The following MSH3 variants were observed in gnomAD, a reference collection of about 807,000 sequenced individuals.
MSH3 encodes the protein DNA mismatch repair protein Msh3.
A neutral mutation model predicts 123.3 loss-of-function variants in MSH3; 106 were observed. The ratio of observed to expected loss-of-function variants is 0.86; its 90% CI spans 0.73 to 1.01. MSH3 has a LOEUF of 1.01. Among genes scored for constraint, MSH3 ranks in the 50% least tolerant of loss-of-function variants. The pLI is 0.00. For missense variants in MSH3, 1,459 were observed against 1,347.6 expected (o/e 1.08, Z -1.29); for synonymous variants, 515 against 481.4 (o/e 1.07, Z -0.91).
At chr5:80,818,400 G>GAAAAAAA (rs1173920485) in intron 20 of MSH3, among the ~76,000 whole-genome samples, 1 of 6,232 alleles carries the variant, frequency 1.6e-4, no homozygotes, top group Admixed American at 1.8e-3. Context: ...AAATAGCAAT[G>GAAAAAAA]ACAAAAAAAA....
intron 19 of MSH3, among the ~76,000 whole-genome samples, chr5:80,801,352 C>T (rs6151866): frequency 0.011 from 1,627 of 152,194 alleles, 13 homozygotes; most frequent in Middle Eastern, 0.044. Flanking sequence ...ACCTAGAGGA[C>T]CTCCTGATTC....
At position 80,830,820 on chromosome 5, in the gene MSH3, G is replaced by T. The variant is rs1257679844; in HGVS notation, c.2813+17079G>T. Reference sequence around the variant, plus strand: ...CCTGTAGAAATTTAGAATTTTTCTGGATTGTTCTCTTGATTCTCATCAGTG... The same window carrying T: ...CCTGTAGAAATTTAGAATTTTTCTGTATTGTTCTCTTGATTCTCATCAGTG... On this transcript the variant is annotated intron_variant, in intron 20 of 23. Transcript: ENST00000265081. Among the ~76,000 whole-genome samples, 32 of 152,190 alleles carry T rather than the reference G, an allele frequency of 2.1e-4. 1 individual carries two copies. The highest frequency in any genetic ancestry group is 2.9e-5 in the Non-Finnish European group (2 of 68,040).
At chr5:80,733,181 T>A (rs1257811377) in intron 10 of MSH3, among the ~76,000 whole-genome samples, 4 of 152,162 alleles carry the variant, frequency 2.6e-5, no homozygotes, top group Non-Finnish European at 5.9e-5. Flanking sequence ...GGAAATAAAC[T>A]TATGGTCATT....
intron 22 of MSH3, among the ~76,000 whole-genome samples, chr5:80,869,829 TATACATATATATAC>T: frequency 2.1e-5 from 1 of 46,634 alleles, no homozygotes; most frequent in African/African-American, 8.9e-5. Context: ...TATATACATA[TATACATATATATAC>T]ACACACACAC....
At chr5:80,669,503 T>C (rs984646954) in intron 3 of MSH3, among the ~76,000 whole-genome samples, 4 of 152,254 alleles carry the variant, frequency 2.6e-5, no homozygotes, top group African/African-American at 7.2e-5. Flanking sequence ...GTAAGAATAG[T>C]AGGAGTACTA....
chr5:80,700,523 T>G (rs369657443), intron 8 of MSH3, among the ~76,000 whole-genome samples: 2 of 152,338 alleles, frequency 1.3e-5, no homozygotes, highest in African/African-American at 4.8e-5. Context: ...AAAAATTACA[T>G]TAATTTCTTC....
At chr5:80,699,762 A>G (rs942638553) in intron 8 of MSH3, among the ~76,000 whole-genome samples, 3 of 152,002 alleles carry the variant, frequency 2.0e-5, no homozygotes, top group Admixed American at 2.0e-4. Flanking sequence ...TTTTAATATC[A>G]CTGTAAATTG....
At chr5:80,701,996 C>A (rs886271296) in intron 8 of MSH3, among the ~76,000 whole-genome samples, 5 of 151,828 alleles carry the variant, frequency 3.3e-5, no homozygotes, top group African/African-American at 9.7e-5. Context: ...TTCTACCCTT[C>A]TTTCTGAAAA....
At position 80,670,395 on chromosome 5, in the gene MSH3, T is replaced by G. The variant is rs1749678281; in HGVS notation, c.792+86T>G. The G allele has an allele frequency of 1.8e-5, 24 of 1,335,826 alleles. 1 individual carries two copies. In the South Asian group the frequency reaches 2.9e-4, roughly 16 times the overall value. The allele number at this position is 1,335,826 out of a possible 1,614,324, so 82.7% of individuals were successfully genotyped here. The stretch of plus-strand genomic sequence containing the variant: ...GTATTTTTGTTTCATTTTCTGACCT[T>G]ATATAAAAGCTGATTTGATCAATCA... On this transcript the variant is annotated intron_variant, in intron 4 of 23. Coordinates refer to ENST00000265081, the MANE Select transcript of MSH3 (RefSeq NM_002439.5).
intron 2 of MSH3, among the ~76,000 whole-genome samples, chr5:80,663,203 C>G (rs781093566): frequency 1.3e-5 from 2 of 152,068 alleles, no homozygotes; most frequent in African/African-American, 4.8e-5. Flanking sequence ...TTGTTTTGAA[C>G]GAAGGTTCAT....
chr5:80,875,982 T>C lies in MSH3; in HGVS notation c.*120T>C, dbSNP rs1292173916. 2.9e-5 allele frequency: 20 copies of C among 699,830 alleles called. No individual in the cohort carries two copies. The highest frequency in any genetic ancestry group is 4.7e-5 in the Admixed American group (2 of 42,500). 43.4% of individuals were successfully genotyped at this position (699,830 alleles called of 1,614,324 possible). ...TGAGCATAAAATTATGACCATGGTATATTCCTATTGGAAACAGAGAGGTTT... is the reference window on the plus strand; with the variant it reads ...TGAGCATAAAATTATGACCATGGTACATTCCTATTGGAAACAGAGAGGTTT... On this transcript the variant is annotated 3_prime_UTR_variant, in exon 24 of 24. Coordinates refer to ENST00000265081, the MANE Select transcript of MSH3 (RefSeq NM_002439.5).
In MSH3 at chr5:80,864,958, G is replaced by A. The variant is rs781099382; in HGVS notation, c.3130+16G>A. ...CTGGATCCAGGTATGAAATATTCCT[G>A]CAGTTGGTACAAATATTGGTTTTCA... On this transcript the variant is annotated intron_variant, in intron 22 of 23. Coordinates refer to ENST00000265081, the MANE Select transcript of MSH3 (RefSeq NM_002439.5). The A allele has an allele frequency of 3.7e-6, 6 of 1,613,122 alleles. No homozygotes were observed. In the African/African-American group the frequency reaches 8.0e-5, roughly 22 times the overall value.
intron 21 of MSH3, among the ~76,000 whole-genome samples, chr5:80,862,638 T>C (rs1471262069): frequency 6.6e-6 from 1 of 152,098 alleles, no homozygotes; most frequent in Non-Finnish European, 1.5e-5. Flanking sequence ...TGCACACCTG[T>C]AGTCCTAGCT....
rs980962986 is a variant in MSH3, at chr5:80,767,916, A to C, written c.1897-17A>C. 3.2e-6 allele frequency: 5 copies of C among 1,570,964 alleles called. No individual in the cohort carries two copies. Among genetic ancestry groups the C allele is most frequent in the Non-Finnish European group, 4.4e-6 (5 of 1,141,162 alleles). Reference sequence around the variant, plus strand: ...ATGTATCTTATGCTATTTCATAAAAAATATTTCTATTTTCAGTGTTCTACC... The same window carrying C: ...ATGTATCTTATGCTATTTCATAAAACATATTTCTATTTTCAGTGTTCTACC... On this transcript the variant is annotated splice_polypyrimidine_tract_variant and intron_variant, in intron 13 of 23. Coordinates refer to ENST00000265081, the MANE Select transcript of MSH3 (RefSeq NM_002439.5).
chr5:80,819,137 A>G (rs142646218), intron 20 of MSH3, among the ~76,000 whole-genome samples: 63 of 152,270 alleles, frequency 4.1e-4, no homozygotes, highest in African/African-American at 1.4e-3. Context: ...AAAGTATCAA[A>G]ATCATTAATT....
Position 80,826,993 on chromosome 5 carries a change from C to T in MSH3, c.2813+13252C>T, listed in dbSNP as rs943357618. Among the ~76,000 whole-genome samples the T allele has an allele frequency of 4.6e-5, 7 of 152,094 alleles. No individual in the cohort carries two copies. The South Asian group carries it at 6.2e-4, about 14-fold the overall frequency. ...TGTGCATTATGATATGTGTACTCAT[C>T]GATGAAATATTTCTAGACCCATATT... On this transcript the variant is annotated intron_variant, in intron 20 of 23. Transcript: ENST00000265081.
intron 17 of MSH3, among the ~76,000 whole-genome samples, chr5:80,783,739 C>G (rs576934307): frequency 6.6e-6 from 1 of 152,158 alleles, no homozygotes; most frequent in South Asian, 2.1e-4. Context: ...AAAAATTGAC[C>G]ATTTGTTACT....
intron 8 of MSH3, among the ~76,000 whole-genome samples, chr5:80,697,347 C>T (rs560021461): frequency 6.6e-5 from 10 of 152,118 alleles, no homozygotes; most frequent in Non-Finnish European, 1.3e-4. Context: ...GGTTTACTTA[C>T]CTGATATAAT....
intron 8 of MSH3, among the ~76,000 whole-genome samples, chr5:80,698,774 G>A (rs368405231): frequency 7.9e-5 from 12 of 151,418 alleles, no homozygotes; most frequent in African/African-American, 2.9e-4. Context: ...GACACAGGAA[G>A]GGGAACCTCA....
Sources: gnomAD v4.1 joint callset for allele counts (sites outside exome capture counted in the v4.1 genomes callset) on GRCh38, gnomAD v4.1.1 for gene constraint, MANE v1.5 for transcripts, NCBI Gene and HGNC (gene_info 2026-07-23, HGNC 2026-07-21) for gene names.